Variants in LRFN5 observed in about 807,000 individuals in gnomAD.
The protein encoded by LRFN5 is leucine rich repeat and fibronectin type III domain containing 5, also known as leucine-rich repeat and fibronectin type-III domain-containing protein 5.
In LRFN5, 24 loss-of-function variants were observed where a neutral mutation model predicts 45.6. That is an observed-to-expected ratio of 0.53 (90% CI 0.38 to 0.74). LRFN5 has a LOEUF of 0.74. Ranked by LOEUF, LRFN5 falls within the 30% of genes least tolerant of loss-of-function variation. The pLI, the probability that LRFN5 is intolerant of heterozygous loss-of-function variation, is 0.00. For missense variants in LRFN5, 776 were observed against 861.5 expected (o/e 0.90, Z 1.24); for synonymous variants, 340 against 313.8 (o/e 1.08, Z -0.88).
intron 2 of LRFN5, among the ~76,000 whole-genome samples, chr14:41,870,883 CAT>C (rs1203769534): frequency 5.3e-5 from 8 of 152,118 alleles, no homozygotes; most frequent in Middle Eastern, 3.4e-3. Flanking sequence ...CATTGTAGCA[CAT>C]GTTTTATTAT....
intron 1 of LRFN5, among the ~76,000 whole-genome samples, chr14:41,638,348 G>A (rs1235835851): frequency 2.6e-5 from 4 of 152,066 alleles, no homozygotes; most frequent in African/African-American, 9.7e-5. Flanking sequence ...TACAGTGGAA[G>A]CATCTCTCTA....
intron 1 of LRFN5, among the ~76,000 whole-genome samples, chr14:41,626,082 A>G (rs1888321664): frequency 6.6e-6 from 1 of 152,048 alleles, no homozygotes; most frequent in East Asian, 1.9e-4. Context: ...GGGAGGTTCT[A>G]GGGTAGGAGG....
chr14:41,866,962 T>C (rs1228858959), intron 2 of LRFN5, among the ~76,000 whole-genome samples: 1 of 152,130 alleles, frequency 6.6e-6, no homozygotes, highest in African/African-American at 2.4e-5. Context: ...CACATGCTCT[T>C]ATTTATGTAG....
chr14:41,644,541 C>T (rs1035509578), intron 1 of LRFN5, among the ~76,000 whole-genome samples: 30 of 152,016 alleles, frequency 2.0e-4, no homozygotes, highest in African/African-American at 7.0e-4. Flanking sequence ...CCATGTACCA[C>T]ACAGTTTGGC....
At chr14:41,758,174 A>C (rs1157867897) in intron 1 of LRFN5, among the ~76,000 whole-genome samples, 1 of 152,002 alleles carries the variant, frequency 6.6e-6, no homozygotes, top group Non-Finnish European at 1.5e-5. Flanking sequence ...GATTTCCTTG[A>C]GTTTTTGTCT....
intron 2 of LRFN5, among the ~76,000 whole-genome samples, chr14:41,852,452 A>G (rs1162253597): frequency 6.6e-6 from 1 of 151,872 alleles, no homozygotes; most frequent in African/African-American, 2.4e-5. Flanking sequence ...GGTAGTTCAA[A>G]ATTAGATTTG....
At chr14:41,624,325 CTATT>C (rs1888247441) in intron 1 of LRFN5, among the ~76,000 whole-genome samples, 1 of 151,984 alleles carries the variant, frequency 6.6e-6, no homozygotes, top group East Asian at 1.9e-4. Flanking sequence ...TTCATTGCCA[CTATT>C]TAATTAAAAT....
intron 2 of LRFN5, among the ~76,000 whole-genome samples, chr14:41,874,276 G>A (rs545200286): frequency 1.3e-5 from 2 of 152,252 alleles, no homozygotes; most frequent in East Asian, 1.9e-4. Flanking sequence ...TTAAATTCAG[G>A]TTGGAATCTT....
intron 2 of LRFN5, among the ~76,000 whole-genome samples, chr14:41,873,230 A>G (rs984933825): frequency 3.3e-5 from 5 of 152,332 alleles, no homozygotes; most frequent in African/African-American, 1.2e-4. Flanking sequence ...GGCATAGTGC[A>G]GGATTTGAAG....
At chr14:41,791,880 G>A (rs1886934180) in intron 2 of LRFN5, among the ~76,000 whole-genome samples, 1 of 152,022 alleles carries the variant, frequency 6.6e-6, no homozygotes. Flanking sequence ...AATTACTGTG[G>A]AGTCTTTGAA....
chr14:41,798,891 A>G (rs1887226511), intron 2 of LRFN5, among the ~76,000 whole-genome samples: 1 of 151,862 alleles, frequency 6.6e-6, no homozygotes, highest in Non-Finnish European at 1.5e-5. Context: ...ATCATTTATT[A>G]TAGTGTTATA....
intron 2 of LRFN5, among the ~76,000 whole-genome samples, chr14:41,846,821 T>G (rs1889085601): frequency 6.6e-6 from 1 of 152,132 alleles, no homozygotes; most frequent in Non-Finnish European, 1.5e-5. Context: ...ACTGTGAGCC[T>G]CATTTCCTTG....
chr14:41,640,243 G>A (rs1322308139), intron 1 of LRFN5, among the ~76,000 whole-genome samples: 1 of 152,040 alleles, frequency 6.6e-6, no homozygotes, highest in Non-Finnish European at 1.5e-5. Flanking sequence ...TGAATTTATA[G>A]GCTGAGGTAG....
chr14:41,781,604 GAAAGAAAGAAAGAGAA>G lies in LRFN5; in HGVS notation c.-21+14577_-21+14592del, dbSNP rs1253154944. Among the ~76,000 whole-genome samples, 421 of 77,732 alleles carry G rather than the reference GAAAGAAAGAAAGAGAA, an allele frequency of 5.4e-3. 9 individuals carry two copies. Among genetic ancestry groups the G allele is most frequent in the African/African-American group, 0.014 (225 of 15,740 alleles). The allele number at this position is 77,732 out of a possible 152,430, so 51.0% of individuals were successfully genotyped here. A position where few individuals can be genotyped will look rare whatever the true frequency, so the allele number is the denominator to read the frequency against. On this transcript the variant is annotated intron_variant, in intron 2 of 5. Coordinates refer to ENST00000298119, the MANE Select transcript of LRFN5 (RefSeq NM_152447.5). The stretch of plus-strand genomic sequence containing the variant: ...AGAAAGAAAGAAAGAAAGAAAGAAA[GAAAGAAAGAAAGAGAA>G]AGAAAGAAAGAAAGGAAAGAAAGAA...
intron 1 of LRFN5, among the ~76,000 whole-genome samples, chr14:41,721,247 T>C (rs1184290439): frequency 6.6e-6 from 1 of 152,146 alleles, no homozygotes; most frequent in Non-Finnish European, 1.5e-5. Flanking sequence ...ACCCTTTACT[T>C]TGAACCTATG....
At chr14:41,706,337 T>G (rs1283561275) in intron 1 of LRFN5, among the ~76,000 whole-genome samples, 1 of 152,176 alleles carries the variant, frequency 6.6e-6, no homozygotes, top group Non-Finnish European at 1.5e-5. Context: ...CGACCTCGGG[T>G]GATCCTCCAA....
At chr14:41,767,843 C>T (rs1382142698) in intron 2 of LRFN5, among the ~76,000 whole-genome samples, 2 of 152,094 alleles carry the variant, frequency 1.3e-5, no homozygotes, top group South Asian at 2.1e-4. Context: ...AGGAAAAGTT[C>T]GGACTTTCCT....
chr14:41,845,204 T>G (rs1889018541), intron 2 of LRFN5, among the ~76,000 whole-genome samples: 1 of 152,054 alleles, frequency 6.6e-6, no homozygotes, highest in African/African-American at 2.4e-5. Flanking sequence ...TTAATAAGCA[T>G]GCATTATATA....
chr14:41,893,256 G>A (rs1890841197), intron 4 of LRFN5: 3 of 958,520 alleles, frequency 3.1e-6, no homozygotes, highest in South Asian at 4.8e-5. Flanking sequence ...TGGATAATAT[G>A]GAATTATTAG....
Sources: allele counts gnomAD v4.1 joint callset (sites outside exome capture counted in the v4.1 genomes callset), GRCh38; gene constraint gnomAD v4.1.1; transcripts MANE v1.5; gene names NCBI Gene and HGNC (gene_info 2026-07-23, HGNC 2026-07-21).